The following KBTBD2 variants were observed in gnomAD, a reference collection of about 807,000 sequenced individuals.
KBTBD2 encodes the protein kelch repeat and BTB domain-containing protein 2.
KBTBD2 carries 17 observed loss-of-function variants against 57.1 expected under a neutral mutation model. The ratio of observed to expected loss-of-function variants is 0.30; its 90% CI spans 0.20 to 0.45. The LOEUF is 0.45. KBTBD2 is among the 20% of genes least tolerant of loss of function. The pLI, the probability that KBTBD2 is intolerant of heterozygous loss-of-function variation, is 1.00. For synonymous variants in KBTBD2, 267 were observed against 262.7 expected (o/e 1.02, Z -0.16); for missense variants, 515 against 750.6 (o/e 0.69, Z 3.67).
chr7:32,890,221 A>C (rs561133201), intron 1 of KBTBD2, among the ~76,000 whole-genome samples: 3 of 152,218 alleles, frequency 2.0e-5, no homozygotes, highest in Non-Finnish European at 2.9e-5. Context: ...TGAGGATTCC[A>C]GGCCCCAACC....
chr7:32,868,425 A>T lies in KBTBD2; in HGVS notation c.*920T>A, dbSNP rs1784078174. 6.6e-6 allele frequency: 1 copy of T among 152,572 alleles called. No individual in the cohort carries two copies. Among genetic ancestry groups the T allele is most frequent in the African/African-American group, 2.4e-5 (1 of 41,412 alleles). 9.5% of individuals were successfully genotyped at this position (152,572 alleles called of 1,614,324 possible). A position where few individuals can be genotyped will look rare whatever the true frequency, so the allele number is the denominator to read the frequency against. On this transcript the variant is annotated 3_prime_UTR_variant, in exon 4 of 4. Transcript: ENST00000304056. ...ATCCTAACCCCCACACGCACACAAC[A>T]GGTTAAAAAAAACACACCCTGACAG...
intron 1 of KBTBD2, among the ~76,000 whole-genome samples, chr7:32,880,235 T>A (rs552011459): frequency 1.3e-5 from 2 of 152,142 alleles, no homozygotes; most frequent in Non-Finnish European, 2.9e-5. Flanking sequence ...TCTTTCAAAA[T>A]AGACAACTTA....
rs1784401139 is a variant in KBTBD2 at position 32,879,661 on chromosome 7, G to C, written c.-57C>G. ...ATTAGAAAAGTCCGTCTTACTGATG[G>C]AAGGTCAAGTGAATACTTCAGAAAT... On this transcript the variant is annotated 5_prime_UTR_variant, in exon 2 of 4. Coordinates refer to ENST00000304056, the MANE Select transcript of KBTBD2 (RefSeq NM_015483.3). 2.1e-6 allele frequency: 3 copies of C among 1,436,032 alleles called. No individual in the cohort carries two copies. Among genetic ancestry groups the C allele is most frequent in the Admixed American group, 1.8e-5 (1 of 55,782 alleles). The allele number at this position is 1,436,032 out of a possible 1,614,324, so 89.0% of individuals were successfully genotyped here.
chr7:32,876,532 T>C (rs1784315702), intron 2 of KBTBD2, among the ~76,000 whole-genome samples: 1 of 152,188 alleles, frequency 6.6e-6, no homozygotes. Flanking sequence ...GTGATAAATG[T>C]AGGATGAATA....
In KBTBD2 at chr7:32,891,609, GGCGGCGGGGGCGTGGCCCTCCCGCC is replaced by G. The variant is rs1366396482; in HGVS notation, c.-437_-413del. The stretch of plus-strand genomic sequence containing the variant: ...CGTCCACACTGGGCCCCTCCGGCGC[GGCGGCGGGGGCGTGGCCCTCCCGCC>G]GCGGCCTCGCCTGGGGTCTCGCCTC... On this transcript the variant is annotated 5_prime_UTR_variant, in exon 1 of 4. Transcript: ENST00000304056. 1 of 149,556 alleles carries G rather than the reference GGCGGCGGGGGCGTGGCCCTCCCGCC, an allele frequency of 6.7e-6. No homozygotes were observed. Among genetic ancestry groups the G allele is most frequent in the Non-Finnish European group, 1.5e-5 (1 of 67,062 alleles). 9.3% of individuals were successfully genotyped at this position (149,556 alleles called of 1,614,324 possible). A position where few individuals can be genotyped will look rare whatever the true frequency, so the allele number is the denominator to read the frequency against.
At chr7:32,877,492 A>G (rs1784342105) in intron 2 of KBTBD2, among the ~76,000 whole-genome samples, 1 of 152,226 alleles carries the variant, frequency 6.6e-6, no homozygotes, top group African/African-American at 2.4e-5. Context: ...TGGGATAGAC[A>G]GAACTGGTAA....
At chr7:32,887,883 C>T (rs1317302374) in intron 1 of KBTBD2, among the ~76,000 whole-genome samples, 2 of 152,240 alleles carry the variant, frequency 1.3e-5, no homozygotes, top group Non-Finnish European at 2.9e-5. Flanking sequence ...CAACTCTCTT[C>T]TCAATGAATT....
At position 32,869,414 on chromosome 7, in the gene KBTBD2, A is replaced by T; in HGVS notation, c.1803T>A (p.Tyr601Ter). ...LEESPWKPPT[Y>*]LFSTDGTEEF... ...CTTCTGTCCCATCCGTTGAAAAAAG[A>T]TAAGTTGGTGGTTTCCATGGAGACT... The change falls in exon 4 of 4, where the codon TAT (tyrosine) becomes TAA (stop). Residue 601 changes from tyrosine to a stop codon, truncating the protein, a stop_gained. Coordinates refer to ENST00000304056, the MANE Select transcript of KBTBD2 (RefSeq NM_015483.3). LOFTEE classifies it high-confidence loss of function. 6.2e-7 allele frequency: 1 copy of T among 1,614,126 alleles called. No homozygotes were observed. Among genetic ancestry groups the T allele is most frequent in the African/African-American group, 1.3e-5 (1 of 75,032 alleles).
At chr7:32,882,160 A>G (rs1054464793) in intron 1 of KBTBD2, among the ~76,000 whole-genome samples, 2 of 152,160 alleles carry the variant, frequency 1.3e-5, no homozygotes, top group African/African-American at 4.8e-5. Context: ...AATGCTTAAT[A>G]CCAATCTACT....
At chr7:32,882,070 ATT>A (rs11297643) in intron 1 of KBTBD2, among the ~76,000 whole-genome samples, 5 of 149,080 alleles carry the variant, frequency 3.4e-5, no homozygotes, top group African/African-American at 7.4e-5. Flanking sequence ...ACTAGCAAAG[ATT>A]TTTTTTTTTT....
chr7:32,870,933 T>C, intron 3 of KBTBD2, 53 bp from the exon 4 acceptor site: 1 of 1,118,082 alleles, frequency 8.9e-7, no homozygotes, highest in South Asian at 1.6e-5. Context: ...ACAGACACAT[T>C]TTACTTTTAT....
intron 1 of KBTBD2, among the ~76,000 whole-genome samples, chr7:32,884,905 C>T (rs556427031): frequency 6.6e-6 from 1 of 150,678 alleles, no homozygotes; most frequent in Non-Finnish European, 1.5e-5. Flanking sequence ...GGTTACAGGC[C>T]ACATTTACCA....
At chr7:32,880,427 A>C (rs1167211060) in intron 1 of KBTBD2, among the ~76,000 whole-genome samples, 1 of 152,160 alleles carries the variant, frequency 6.6e-6, no homozygotes, top group East Asian at 1.9e-4. Flanking sequence ...CTATACGGTA[A>C]ATAGATTCAA....
intron 2 of KBTBD2, among the ~76,000 whole-genome samples, chr7:32,877,410 G>A (rs983618430): frequency 2.6e-5 from 4 of 152,066 alleles, no homozygotes; most frequent in African/African-American, 9.7e-5. Context: ...TCTCATTTTG[G>A]GTCTAAAATG....
rs1433396783 is a variant in KBTBD2, at chr7:32,870,863, T to C, written c.354A>G (p.Gln118=). 1 of 1,571,402 alleles carries C rather than the reference T, an allele frequency of 6.4e-7. No individual in the cohort carries two copies. The highest frequency in any genetic ancestry group is 8.6e-7 in the Non-Finnish European group (1 of 1,164,806). ...TTTTAATTAAATATTCTCGACAACG[T>C]TGTAACACATCTTCTACCTAGAATG... The part of the protein sequence containing the change: ...ACFLQVEDVL[Q]RCREYLIKKI... The change falls in exon 4 of 4, where the codon CAA becomes CAG. Residue 118 remains glutamine, a synonymous_variant. Transcript: ENST00000304056.
chr7:32,887,944 C>T (rs1257652176), intron 1 of KBTBD2, among the ~76,000 whole-genome samples: 1 of 150,016 alleles, frequency 6.7e-6, no homozygotes, highest in African/African-American at 2.5e-5. Context: ...CACAGCACTA[C>T]ACAGATATTC....
chr7:32,891,263 C>G (rs1041035715), intron 1 of KBTBD2: 7 of 149,494 alleles, frequency 4.7e-5, no homozygotes, highest in Non-Finnish European at 1.0e-4. Context: ...AAACGCCCAG[C>G]TAGCGGCGTA....
At chr7:32,880,260 G>T (rs778035375) in intron 1 of KBTBD2, among the ~76,000 whole-genome samples, 2 of 151,934 alleles carry the variant, frequency 1.3e-5, no homozygotes, top group Non-Finnish European at 2.9e-5. Context: ...ACCAAAGCCA[G>T]ATCTCTTAGT....
intron 1 of KBTBD2, among the ~76,000 whole-genome samples, chr7:32,882,738 C>T (rs889342572): frequency 6.6e-6 from 1 of 152,094 alleles, no homozygotes; most frequent in African/African-American, 2.4e-5. Flanking sequence ...AATCCCAGCA[C>T]TTTGGGAGGC....
Sources: gnomAD v4.1 joint callset for allele counts (sites outside exome capture counted in the v4.1 genomes callset) on GRCh38, gnomAD v4.1.1 for gene constraint, MANE v1.5 for transcripts, NCBI Gene and HGNC (gene_info 2026-07-23, HGNC 2026-07-21) for gene names.